The following SEMA5A variants were observed in gnomAD, a reference collection of about 807,000 sequenced individuals.
SEMA5A encodes semaphorin-5A.
A neutral mutation model predicts 135.5 loss-of-function variants in SEMA5A; 55 were observed. The observed-to-expected ratio is 0.41, with a 90% CI of 0.33 to 0.51. The LOEUF is 0.51. SEMA5A is among the 20% of genes least tolerant of loss of function. SEMA5A has a pLI of 0.37. For missense variants in SEMA5A, 1,290 were observed against 1,419.9 expected, an observed-to-expected ratio of 0.91 and a Z score of 1.47; for synonymous variants, 580 against 546.5, an observed-to-expected ratio of 1.06 and a Z score of -0.85.
At chr5:9,341,487 G>A (rs1297796782) in intron 3 of SEMA5A, among the ~76,000 whole-genome samples, 1 of 151,692 alleles carries the variant, frequency 6.6e-6, no homozygotes, top group Non-Finnish European at 1.5e-5. Context: ...GCAGGAGGGG[G>A]TCCACAGCAA....
rs1415067037 is a variant in SEMA5A at position 9,523,331 on chromosome 5, G to A, written c.-175+22253C>T. The stretch of plus-strand genomic sequence containing the variant: ...AGCTCCTGGTCTCTCTTTGAAGGGT[G>A]TGGTTTCAGTATCTAAAGTGATTAT... On this transcript the variant is annotated intron_variant, in intron 1 of 22. Transcript: ENST00000382496. 2.0e-5 allele frequency among the ~76,000 whole-genome samples: 3 copies of A among 152,114 alleles called. No homozygotes were observed. The East Asian group carries it at 5.8e-4, about 29-fold the overall frequency.
At chr5:9,054,060 C>A in intron 19 of SEMA5A, 27 bp downstream of exon 19, 1 of 1,580,544 alleles carries the variant, frequency 6.3e-7, no homozygotes, top group African/African-American at 1.4e-5. Flanking sequence ...TGTCTGAAAG[C>A]TGTGCAGTAG....
intron 1 of SEMA5A, among the ~76,000 whole-genome samples, chr5:9,483,219 C>T (rs1759943079): frequency 6.6e-6 from 1 of 152,142 alleles, no homozygotes; most frequent in Non-Finnish European, 1.5e-5. Flanking sequence ...GTCTTTGGGG[C>T]TGTCTCCAAC....
At chr5:9,052,842 A>T (rs1337905947) in intron 19 of SEMA5A, among the ~76,000 whole-genome samples, 1 of 152,176 alleles carries the variant, frequency 6.6e-6, no homozygotes, top group Non-Finnish European at 1.5e-5. Context: ...TGTTTATGGA[A>T]TTTTAATCAG....
At chr5:9,060,847 T>C (rs760095994) in intron 18 of SEMA5A, among the ~76,000 whole-genome samples, 3 of 152,184 alleles carry the variant, frequency 2.0e-5, no homozygotes, top group Non-Finnish European at 2.9e-5. Flanking sequence ...GAATTTTCAT[T>C]GAGTATCTGC....
chr5:9,113,159 C>A (rs1336639766), intron 15 of SEMA5A, among the ~76,000 whole-genome samples: 1 of 152,164 alleles, frequency 6.6e-6, no homozygotes, highest in Non-Finnish European at 1.5e-5. Flanking sequence ...ACACCATGAG[C>A]AAATAAACAC....
chr5:9,202,479 G>A (rs1169414492), intron 8 of SEMA5A, among the ~76,000 whole-genome samples: 3 of 152,194 alleles, frequency 2.0e-5, no homozygotes, highest in East Asian at 1.9e-4. Context: ...CAAGTATCCC[G>A]AGCTAAATTA....
chr5:9,442,663 G>A (rs1298432276), intron 1 of SEMA5A, among the ~76,000 whole-genome samples: 3 of 152,064 alleles, frequency 2.0e-5, no homozygotes, highest in Non-Finnish European at 4.4e-5. Context: ...AAACCCAGGA[G>A]CAACAAATGG....
At chr5:9,519,621 A>G (rs1157792719) in intron 1 of SEMA5A, among the ~76,000 whole-genome samples, 2 of 152,200 alleles carry the variant, frequency 1.3e-5, no homozygotes, top group African/African-American at 4.8e-5. Flanking sequence ...AGAAGGAAAA[A>G]TTCCTTAGAT....
chr5:9,383,399 C>T (rs1359409115), intron 2 of SEMA5A, among the ~76,000 whole-genome samples: 1 of 152,038 alleles, frequency 6.6e-6, no homozygotes, highest in Non-Finnish European at 1.5e-5. Flanking sequence ...TATCACAGTC[C>T]CACATCAAAA....
rs146879917 is a variant in SEMA5A at position 9,278,897 on chromosome 5, C to T, written c.270+39475G>A. On this transcript the variant is annotated intron_variant, in intron 5 of 22. Coordinates refer to ENST00000382496, the MANE Select transcript of SEMA5A (RefSeq NM_003966.3). ...TTGATGTCCAGGCAGAAGTCTGCTGCAGGGGTGGACCCCTCATGGGGAACC... is the reference window on the plus strand; with the variant it reads ...TTGATGTCCAGGCAGAAGTCTGCTGTAGGGGTGGACCCCTCATGGGGAACC... Among the ~76,000 whole-genome samples the T allele has an allele frequency of 3.0e-3, 456 of 152,342 alleles. 7 individuals are homozygous for T. The highest frequency in any genetic ancestry group is 0.01 in the African/African-American group (435 of 41,576).
chr5:9,086,478 C>T (rs761478134), intron 16 of SEMA5A, among the ~76,000 whole-genome samples: 27 of 152,256 alleles, frequency 1.8e-4, no homozygotes, highest in Middle Eastern at 3.4e-3. Context: ...CCTGCACGAG[C>T]TCTCTTCTCT....
chr5:9,456,016 A>G (rs1758820573), intron 1 of SEMA5A, among the ~76,000 whole-genome samples: 1 of 152,246 alleles, frequency 6.6e-6, no homozygotes, highest in African/African-American at 2.4e-5. Flanking sequence ...TTTCAGGACA[A>G]TCCAGAGGAG....
chr5:9,345,458 A>C (rs1460106460), intron 3 of SEMA5A, among the ~76,000 whole-genome samples: 1 of 150,110 alleles, frequency 6.7e-6, no homozygotes, highest in African/African-American at 2.5e-5. Flanking sequence ...AATTTCACAG[A>C]TTGGTGGTTA....
chr5:9,336,653 A>C (rs148967202), intron 4 of SEMA5A, among the ~76,000 whole-genome samples: 159 of 152,298 alleles, frequency 1.0e-3, no homozygotes, highest in African/African-American at 3.7e-3. Flanking sequence ...TACTCATGTA[A>C]AATTACAACC....
At chr5:9,473,645 G>T (rs1372949222) in intron 1 of SEMA5A, among the ~76,000 whole-genome samples, 1 of 152,074 alleles carries the variant, frequency 6.6e-6, no homozygotes, top group African/African-American at 2.4e-5. Flanking sequence ...AGGGGCTGGG[G>T]AGGAGTAAAG....
chr5:9,379,806 G>A lies in SEMA5A; in HGVS notation c.124+17C>T, dbSNP rs767979534. 3.7e-6 allele frequency: 6 copies of A among 1,612,324 alleles called. No individual in the cohort carries two copies. The highest frequency in any genetic ancestry group is 5.1e-6 in the Non-Finnish European group (6 of 1,179,388). On this transcript the variant is annotated intron_variant, in intron 3 of 22. Transcript: ENST00000382496. ...TTTAGATGACGGCTTTGCAATCAGTGCGTGCTGGTTCCTTACCTTTATAGG... is the reference window on the plus strand; with the variant it reads ...TTTAGATGACGGCTTTGCAATCAGTACGTGCTGGTTCCTTACCTTTATAGG...
chr5:9,396,018 G>A (rs972689743), intron 2 of SEMA5A, among the ~76,000 whole-genome samples: 1 of 152,058 alleles, frequency 6.6e-6, no homozygotes, highest in African/African-American at 2.4e-5. Flanking sequence ...TTCCTTGCAG[G>A]GGCACACAGA....
At chr5:9,289,675 A>T (rs185569200) in intron 5 of SEMA5A, among the ~76,000 whole-genome samples, 53 of 152,250 alleles carry the variant, frequency 3.5e-4, no homozygotes, top group Non-Finnish European at 4.7e-4. Flanking sequence ...AAATAAAAAA[A>T]AAAAAATCCA....
Sources: allele counts gnomAD v4.1 joint callset (sites outside exome capture counted in the v4.1 genomes callset), GRCh38; gene constraint gnomAD v4.1.1; transcripts MANE v1.5; gene names NCBI Gene and HGNC (gene_info 2026-07-23, HGNC 2026-07-21).